Variants in DISC1 observed in about 807,000 individuals in gnomAD.
The protein encoded by DISC1 is disrupted in schizophrenia 1 protein.
In DISC1, 57 loss-of-function variants were observed where a neutral mutation model predicts 84.5. That is an observed-to-expected ratio of 0.67 (90% CI 0.55 to 0.84). The LOEUF is 0.84. Among genes scored for constraint, DISC1 ranks in the 40% least tolerant of loss-of-function variants. The probability of loss-of-function intolerance (pLI) is 0.00; values close to 1 mark genes in which losing one functional copy is unlikely to be tolerated. For synonymous variants in DISC1, 411 were observed against 415.2 expected, an observed-to-expected ratio of 0.99 and a Z score of 0.12; for missense variants, 1,000 against 1,057.8, an observed-to-expected ratio of 0.95 and a Z score of 0.76.
At chr1:231,951,530 C>G (rs1658364152) in intron 9 of DISC1, among the ~76,000 whole-genome samples, 1 of 152,232 alleles carries the variant, frequency 6.6e-6, no homozygotes, top group South Asian at 2.1e-4. Context: ...AGATCTCTAA[C>G]TCAGTCACTT....
chr1:231,924,062 A>G (rs753235598), intron 9 of DISC1, among the ~76,000 whole-genome samples: 1 of 152,166 alleles, frequency 6.6e-6, no homozygotes, highest in African/African-American at 2.4e-5. Flanking sequence ...CAACATCGCT[A>G]TATTTTCCCT....
chr1:231,644,150 G>T (rs551690870), intron 1 of DISC1, among the ~76,000 whole-genome samples: 47 of 152,242 alleles, frequency 3.1e-4, no homozygotes, highest in African/African-American at 1.1e-3. Context: ...TGATCTGATT[G>T]CCATAGAGTC....
chr1:231,945,761 T>TA (rs879123255), intron 9 of DISC1, among the ~76,000 whole-genome samples: 1 of 151,834 alleles, frequency 6.6e-6, no homozygotes. Flanking sequence ...AGAGACGCAA[T>TA]AAAAAATGAT....
chr1:231,723,124 T>C (rs1270689773), intron 3 of DISC1: 4 of 961,818 alleles, frequency 4.2e-6, no homozygotes, highest in Non-Finnish European at 3.7e-6. Flanking sequence ...TACTCAAGTC[T>C]TGTTTTCAGT....
rs1260840173 is a variant in DISC1, at chr1:232,036,700, A to G, written c.2434A>G (p.Arg812Gly). ...CTTAACAATGTGCCCACAGTCTCTC[A>G]GGAGGGAGCTCCAGATGGTGAAGGA... Reference protein sequence around the residue: ...SHDEDLIQSLRRELQMVKETL... With the variant: ...SHDEDLIQSLGRELQMVKETL... Residue 812 changes from arginine to glycine, a missense_variant, in exon 13 of 13, where the codon AGG (arginine) becomes GGG (glycine). Physicochemically the swap from Arg to Gly is moderately radical, Grantham distance 125. Around this residue, in one of 3 missense-constraint regions of DISC1, gnomAD observed 397 missense variants for 377.5 expected, o/e 1.05. Transcript: ENST00000439617. The G allele has an allele frequency of 6.3e-7, 1 of 1,597,588 alleles. No individual in the cohort carries two copies. The highest frequency in any genetic ancestry group is 8.6e-7 in the Non-Finnish European group (1 of 1,167,296).
chr1:231,700,847 A>G (rs559136528), intron 2 of DISC1, among the ~76,000 whole-genome samples: 2 of 152,276 alleles, frequency 1.3e-5, no homozygotes, highest in East Asian at 3.9e-4. Flanking sequence ...ACTGGAGGAG[A>G]CGACACTTGT....
At chr1:231,818,803 T>G in intron 9 of DISC1, 1 of 1,235,700 alleles carries the variant, frequency 8.1e-7, no homozygotes, top group South Asian at 2.1e-5. Flanking sequence ...GTCTCTCCCT[T>G]GGCAAGGTCT....
chr1:231,999,813 A>AAACAACAACAACAAC (rs71162205), intron 10 of DISC1, among the ~76,000 whole-genome samples: 15 of 150,560 alleles, frequency 1.0e-4, no homozygotes, highest in South Asian at 2.1e-4. Flanking sequence ...TCAAGCAGAA[A>AAACAACAACAACAAC]AACAACAACA....
At chr1:231,861,796 A>C (rs2084673061) in intron 9 of DISC1, among the ~76,000 whole-genome samples, 1 of 152,124 alleles carries the variant, frequency 6.6e-6, no homozygotes, top group Non-Finnish European at 1.5e-5. Flanking sequence ...GAATGTTTTA[A>C]GAGTCTGATT....
chr1:231,707,228 A>G (rs1302719610), intron 3 of DISC1, among the ~76,000 whole-genome samples: 1 of 152,226 alleles, frequency 6.6e-6, no homozygotes, highest in Admixed American at 6.5e-5. Context: ...GTGGACTGCA[A>G]TTGAAATCTG....
At chr1:231,964,414 G>T (rs781108814) in intron 10 of DISC1, among the ~76,000 whole-genome samples, 4 of 152,168 alleles carry the variant, frequency 2.6e-5, no homozygotes, top group Non-Finnish European at 2.9e-5. Flanking sequence ...AAATGACCGT[G>T]ATAGTAGCTG....
At chr1:231,676,211 A>T (rs1052759835) in intron 1 of DISC1, among the ~76,000 whole-genome samples, 1 of 152,246 alleles carries the variant, frequency 6.6e-6, no homozygotes, top group Non-Finnish European at 1.5e-5. Flanking sequence ...GTTTTGATAC[A>T]TAACAGTGGT....
intron 9 of DISC1, among the ~76,000 whole-genome samples, chr1:231,830,214 A>AG (rs763396990): frequency 1.6e-4 from 24 of 152,152 alleles, no homozygotes; most frequent in Non-Finnish European, 2.9e-4. Context: ...GAGCGGGATT[A>AG]GGGCGGCATG....
intron 9 of DISC1, among the ~76,000 whole-genome samples, chr1:231,862,487 T>A (rs765028372): frequency 3.3e-5 from 5 of 152,220 alleles, no homozygotes; most frequent in Non-Finnish European, 1.5e-5. Context: ...TTGGTAAATT[T>A]TTTTCTTCTG....
At chr1:231,968,389 C>G (rs1661392083) in intron 10 of DISC1, among the ~76,000 whole-genome samples, 1 of 152,010 alleles carries the variant, frequency 6.6e-6, no homozygotes, top group African/African-American at 2.4e-5. Context: ...GGAGGCAACT[C>G]TTCCCTTCTC....
intron 10 of DISC1, among the ~76,000 whole-genome samples, chr1:231,999,809 A>AG (rs1666424282): frequency 7.2e-6 from 1 of 139,284 alleles, no homozygotes; most frequent in African/African-American, 3.1e-5. Flanking sequence ...TGAATCAAGC[A>AG]GAAAAACAAC....
At chr1:231,832,020 G>A (rs2082268701) in intron 9 of DISC1, among the ~76,000 whole-genome samples, 1 of 151,532 alleles carries the variant, frequency 6.6e-6, no homozygotes, top group Non-Finnish European at 1.5e-5. Context: ...TGGGGTGAAT[G>A]TTAGGTGGAT....
intron 10 of DISC1, among the ~76,000 whole-genome samples, chr1:231,975,872 A>G (rs1662727334): frequency 6.6e-6 from 1 of 152,248 alleles, no homozygotes; most frequent in South Asian, 2.1e-4. Flanking sequence ...ACTTATGGGT[A>G]CAATGTACAT....
intron 1 of DISC1, among the ~76,000 whole-genome samples, chr1:231,649,542 G>T (rs553460585): frequency 6.6e-6 from 1 of 152,310 alleles, no homozygotes; most frequent in African/African-American, 2.4e-5. Context: ...TGTTGATTTG[G>T]GGTGGAGAGT....
Sources: allele counts gnomAD v4.1 joint callset (sites outside exome capture counted in the v4.1 genomes callset), GRCh38; gene constraint gnomAD v4.1.1; regional missense constraint gnomAD v4.1.1; transcripts MANE v1.5; gene names NCBI Gene and HGNC (gene_info 2026-07-23, HGNC 2026-07-21).